The following SEC16B variants were observed in gnomAD, a reference collection of about 807,000 sequenced individuals.
SEC16B encodes SEC16 homolog B, endoplasmic reticulum export factor, also known as protein transport protein Sec16B.
A neutral mutation model predicts 141.8 loss-of-function variants in SEC16B; 115 were observed. The observed-to-expected ratio is 0.81, with a 90% CI of 0.70 to 0.95. SEC16B has a LOEUF of 0.95. Ranked by LOEUF, SEC16B falls within the 40% of genes least tolerant of loss-of-function variation. SEC16B has a pLI of 0.00. For synonymous variants in SEC16B, 493 were observed against 492.5 expected, an observed-to-expected ratio of 1.00 and a Z score of -0.01; for missense variants, 1,291 against 1,312.3, an observed-to-expected ratio of 0.98 and a Z score of 0.25.
intron 1 of SEC16B, 73 bp from the exon 2 acceptor site, chr1:177,968,112 G>A: frequency 2.2e-6 from 2 of 893,808 alleles, no homozygotes; most frequent in Non-Finnish European, 3.3e-6. Flanking sequence ...ATTAGGTTTT[G>A]TGAAAAGAGC....
chr1:177,936,866 T>C (rs1011310479), intron 19 of SEC16B, among the ~76,000 whole-genome samples: 1 of 152,102 alleles, frequency 6.6e-6, no homozygotes, highest in Admixed American at 6.6e-5. Context: ...AGCTCTTGAG[T>C]GCAGGATGAT....
chr1:177,968,635 A>G (rs1176114415), intron 1 of SEC16B, among the ~76,000 whole-genome samples: 3 of 152,214 alleles, frequency 2.0e-5, no homozygotes, highest in African/African-American at 7.2e-5. Flanking sequence ...CAGTGTTATC[A>G]AGGATAAAGA....
At chr1:177,931,829 A>G (rs1480768966) in intron 24 of SEC16B, among the ~76,000 whole-genome samples, 1 of 152,238 alleles carries the variant, frequency 6.6e-6, no homozygotes, top group Non-Finnish European at 1.5e-5. Context: ...TCCTAGCAAT[A>G]GATATGAAAT....
chr1:177,957,956 T>C (rs1038194211), intron 10 of SEC16B, among the ~76,000 whole-genome samples, 176 bp downstream of exon 10: 3 of 152,144 alleles, frequency 2.0e-5, no homozygotes, highest in African/African-American at 7.2e-5. Flanking sequence ...TAATAGTTCA[T>C]TGTCTTTTAG....
chr1:177,940,384 C>T (rs952556023), intron 17 of SEC16B, among the ~76,000 whole-genome samples: 6 of 152,212 alleles, frequency 3.9e-5, no homozygotes, highest in East Asian at 1.9e-4. Context: ...GTGTCACATG[C>T]GAACATAGGA....
chr1:177,940,655 CCT>C lies in SEC16B; in HGVS notation c.2080_2081del (p.Arg694GlyfsTer56), dbSNP rs1651210518. 1 of 1,613,910 alleles carries C rather than the reference CCT, an allele frequency of 6.2e-7. No homozygotes were observed. Among genetic ancestry groups the C allele is most frequent in the Non-Finnish European group, 8.5e-7 (1 of 1,179,860 alleles). On this transcript the variant is annotated frameshift_variant, in exon 17 of 26. Transcript: ENST00000308284. LOFTEE classifies it high-confidence loss of function. ...PLVLERRSGD[R>X]DLEPDWLAQL... Reference sequence around the variant, plus strand: ...GCGCTAGCCAATCTGGCTCCAGGTCCCTGTCTCCACTGCGTCTTTCTAAAACC... The same window carrying C: ...GCGCTAGCCAATCTGGCTCCAGGTCCGTCTCCACTGCGTCTTTCTAAAACC...
intron 12 of SEC16B, chr1:177,948,410 C>A: frequency 7.7e-7 from 1 of 1,304,420 alleles, no homozygotes; most frequent in Non-Finnish European, 1.0e-6. Context: ...TGTTTTCTGG[C>A]TCTACAAAGC....
At chr1:177,943,199 A>G (rs1477379468) in intron 15 of SEC16B, among the ~76,000 whole-genome samples, 1 of 152,160 alleles carries the variant, frequency 6.6e-6, no homozygotes, top group East Asian at 1.9e-4. Flanking sequence ...AGAAAAAGAG[A>G]CCAAAGAGCC....
intron 9 of SEC16B, among the ~76,000 whole-genome samples, 168 bp downstream of exon 9, chr1:177,958,672 A>T (rs1652818511): frequency 1.3e-5 from 2 of 152,362 alleles, no homozygotes; most frequent in South Asian, 4.1e-4. Flanking sequence ...ATCAGGGAAG[A>T]TCTGCGTTAG....
intron 7 of SEC16B, 88 bp downstream of exon 7, chr1:177,960,703 G>C (rs1652990374): frequency 2.8e-6 from 4 of 1,408,300 alleles, no homozygotes; most frequent in Non-Finnish European, 3.8e-6. Context: ...AGATGCCCCG[G>C]CTCAGGCACA....
At position 177,958,824 on chromosome 1, in the gene SEC16B, C is replaced by T; in HGVS notation, c.1134+16G>A. The T allele has an allele frequency of 6.2e-7, 1 of 1,607,470 alleles. No homozygotes were observed. Among genetic ancestry groups the T allele is most frequent in the Non-Finnish European group, 8.5e-7 (1 of 1,175,720 alleles). ...ATTTCAGCCTGCACCTGCTCTCCCACCAGAACAGAACTTACCCCATTCTGG... is the reference window on the plus strand; with the variant it reads ...ATTTCAGCCTGCACCTGCTCTCCCATCAGAACAGAACTTACCCCATTCTGG... On this transcript the variant is annotated intron_variant, in intron 9 of 25. Coordinates refer to ENST00000308284, the MANE Select transcript of SEC16B (RefSeq NM_033127.4).
chr1:177,966,063 C>A, intron 2 of SEC16B, 58 bp from the exon 3 acceptor site: 1 of 1,093,880 alleles, frequency 9.1e-7, no homozygotes. Context: ...AGAGAGAAAC[C>A]AATGAAGAAC....
At chr1:177,977,025 T>C (rs1377057886) in intron 1 of SEC16B, among the ~76,000 whole-genome samples, 2 of 152,200 alleles carry the variant, frequency 1.3e-5, no homozygotes, top group Non-Finnish European at 2.9e-5. Context: ...TACTCATCAA[T>C]TTTCTTTTCT....
In SEC16B at chr1:177,948,371, G is replaced by A. The variant is rs1358053216; in HGVS notation, c.1546-429C>T. The A allele has an allele frequency of 1.5e-5, 20 of 1,304,958 alleles. No homozygotes were observed. The Admixed American group carries it at 4.6e-4, about 30-fold the overall frequency. 80.8% of individuals were successfully genotyped at this position (1,304,958 alleles called of 1,614,324 possible). A position where few individuals can be genotyped will look rare whatever the true frequency, so the allele number is the denominator to read the frequency against. On this transcript the variant is annotated intron_variant, in intron 12 of 25. Coordinates refer to ENST00000308284, the MANE Select transcript of SEC16B (RefSeq NM_033127.4). The stretch of plus-strand genomic sequence containing the variant: ...CTGTCACAGAAGTCGGGGGAACACG[G>A]GCCTGCTTAATGTCTTACCAAATGC...
At chr1:177,945,096 G>A (rs1367091048) in intron 14 of SEC16B, among the ~76,000 whole-genome samples, 1 of 152,186 alleles carries the variant, frequency 6.6e-6, no homozygotes. Context: ...ACAAAAGAGG[G>A]GAGCCATGTA....
At position 177,965,995 on chromosome 1, in the gene SEC16B, C is replaced by T. The variant is rs760767619; in HGVS notation, c.310G>A (p.Glu104Lys). The T allele has an allele frequency of 2.5e-6, 4 of 1,578,410 alleles. No homozygotes were observed. The South Asian group carries it at 3.5e-5, about 14-fold the overall frequency. Residue 104 changes from glutamate (E) to lysine (K), a missense_variant, in exon 3 of 26, where the codon GAG (glutamate) becomes AAG (lysine). Glu to Lys is a moderately conservative substitution (Grantham distance 56). This residue lies in a region of SEC16B where 681 missense variants were observed against 675.5 expected (regional missense o/e 1.01). Transcript: ENST00000308284. ...RNQLYSRPGYENSYQSYQSPT... is the reference protein window; with the variant it reads ...RNQLYSRPGYKNSYQSYQSPT... ...GACTGATAGCTCTGATATGAATTCT[C>T]ATAACCTGGCCTAAAATATCACAAA... is the stretch of plus-strand genomic sequence containing the variant.
chr1:177,934,583 T>G (rs892341004), intron 20 of SEC16B, among the ~76,000 whole-genome samples: 3 of 152,222 alleles, frequency 2.0e-5, no homozygotes, highest in Non-Finnish European at 2.9e-5. Context: ...CTTACAATAG[T>G]CCTGTGAGCT....
chr1:177,938,687 A>C (rs1651046715), intron 18 of SEC16B, among the ~76,000 whole-genome samples: 1 of 152,178 alleles, frequency 6.6e-6, no homozygotes, highest in Admixed American at 6.5e-5. Context: ...GGAGGGCTGA[A>C]ATTACCATCC....
rs780886553 is a variant in SEC16B at position 177,937,431 on chromosome 1, A to G, written c.2286T>C (p.Pro762=). 1.2e-6 allele frequency: 2 copies of G among 1,607,696 alleles called. No individual in the cohort carries two copies. The highest frequency in any genetic ancestry group is 1.7e-6 in the Non-Finnish European group (2 of 1,177,232). The change falls in exon 19 of 26, where the codon CCT becomes CCC. Residue 762 remains proline (P), a synonymous_variant. Coordinates refer to ENST00000308284, the MANE Select transcript of SEC16B (RefSeq NM_033127.4). The part of the protein sequence containing the change: ...PGYRSALWLT[P]EQTCLLQPSP... ...TGGGCTGGAGCAGGCAGGTCTGCTCAGGTGTCAGCCACAGAGCTGAGCGGT... is the reference window on the plus strand; with the variant it reads ...TGGGCTGGAGCAGGCAGGTCTGCTCGGGTGTCAGCCACAGAGCTGAGCGGT...
Sources: allele counts gnomAD v4.1 joint callset (sites outside exome capture counted in the v4.1 genomes callset), GRCh38; gene constraint gnomAD v4.1.1; regional missense constraint gnomAD v4.1.1; transcripts MANE v1.5; gene names NCBI Gene and HGNC (gene_info 2026-07-23, HGNC 2026-07-21).